The following TMEM79 variants were observed in gnomAD, a reference collection of about 807,000 sequenced individuals.
The protein encoded by TMEM79 is mattrin.
Under a neutral mutation model 31.2 loss-of-function variants are expected in TMEM79, and 30 were observed. The ratio of observed to expected loss-of-function variants is 0.96; its 90% CI spans 0.72 to 1.30. The LOEUF (loss-of-function observed/expected upper bound fraction) is 1.30. Ranked by LOEUF, TMEM79 falls within the 50% of genes most tolerant of loss-of-function variation. The pLI is 0.00. For synonymous variants in TMEM79, 213 were observed against 229.5 expected (o/e 0.93, Z 0.65); for missense variants, 509 against 528.2 (o/e 0.96, Z 0.36).
rs760508891 is a variant in TMEM79 at position 156,285,639 on chromosome 1, A to C, written c.413A>C (p.Glu138Ala). 2 of 1,613,986 alleles carry C rather than the reference A, an allele frequency of 1.2e-6. No individual in the cohort carries two copies. Among genetic ancestry groups the C allele is most frequent in the Admixed American group, 3.3e-5 (2 of 60,026 alleles). ...GTGCCTATTGACCTACAGTGCATTG[A>C]GCGGCAGCCCCAAGAAGACCTTATC... Reference protein sequence around the residue: ...AFVPIDLQCIERQPQEDLIVR... With the variant: ...AFVPIDLQCIARQPQEDLIVR... The change falls in exon 2 of 4, where the codon GAG becomes GCG. Residue 138 changes from glutamate (E) to alanine (A), a missense_variant. Glu to Ala is a moderately radical substitution (Grantham distance 107, BLOSUM62 -1). Transcript: ENST00000405535.
At chr1:156,288,817 A>G (rs1443421750) in intron 3 of TMEM79, among the ~76,000 whole-genome samples, 1 of 152,198 alleles carries the variant, frequency 6.6e-6, no homozygotes, top group Non-Finnish European at 1.5e-5. Context: ...CCCAAAATAA[A>G]TATGTTCCTG....
intron 3 of TMEM79, among the ~76,000 whole-genome samples, chr1:156,286,912 CA>C (rs1175579097): frequency 6.6e-6 from 1 of 152,046 alleles, no homozygotes; most frequent in Non-Finnish European, 1.5e-5. Flanking sequence ...CACTTGAGGT[CA>C]GGAGTTCGAG....
chr1:156,291,488 T>G lies in TMEM79; in HGVS notation c.1075T>G (p.Tyr359Asp), dbSNP rs199940196. 11 of 1,613,122 alleles carry G rather than the reference T, an allele frequency of 6.8e-6. No individual in the cohort carries two copies. ...GTCGATGCTGATGTGGAACCTCTACTACATGTTCGTGGTGGAGCCGGAGCG... is the reference window on the plus strand; with the variant it reads ...GTCGATGCTGATGTGGAACCTCTACGACATGTTCGTGGTGGAGCCGGAGCG... ...LLSMLMWNLY[Y>D]MFVVEPERML... The change falls in exon 4 of 4, where the codon TAC (tyrosine) becomes GAC (aspartate). Residue 359 changes from tyrosine (Y) to aspartate (D), a missense_variant. Tyr to Asp is a radical substitution (Grantham distance 160). Transcript: ENST00000405535.
intron 3 of TMEM79, among the ~76,000 whole-genome samples, chr1:156,287,479 C>G (rs1306067764): frequency 6.6e-6 from 1 of 151,982 alleles, no homozygotes; most frequent in Non-Finnish European, 1.5e-5. Context: ...GTTGGGGGGC[C>G]TGGTTGAGGG....
intron 3 of TMEM79, among the ~76,000 whole-genome samples, chr1:156,288,416 ACT>A (rs905429571): frequency 2.6e-5 from 4 of 151,392 alleles, no homozygotes; most frequent in Non-Finnish European, 4.4e-5. Context: ...GCTCACTACA[ACT>A]TCTGTCTCCA....
At position 156,291,557 on chromosome 1, in the gene TMEM79, G is replaced by A. The variant is rs1296736810; in HGVS notation, c.1144G>A (p.Ala382Thr). 2.5e-6 allele frequency: 4 copies of A among 1,610,506 alleles called. No homozygotes were observed. The highest frequency in any genetic ancestry group is 2.2e-5 in the East Asian group (1 of 44,870). The change falls in exon 4 of 4, where the codon GCC (alanine) becomes ACC (threonine). Residue 382 changes from alanine to threonine, a missense_variant. By Grantham distance (58) the Ala-to-Thr change is moderately conservative. Transcript: ENST00000405535. The stretch of plus-strand genomic sequence containing the variant: ...GAGCCGCCTGGACTACCCGGACCAC[G>A]CCCGCTCGGCCTCCGACTACAGGCC... ...TESRLDYPDH[A>T]RSASDYRPRP...
rs201959226 is a variant in TMEM79 at position 156,286,305 on chromosome 1, G to A, written c.803G>A (p.Arg268Gln). Residue 268 changes from arginine to glutamine, a missense_variant, in exon 3 of 4, where the codon CGG (arginine) becomes CAG (glutamine). Arg to Gln is a conservative substitution (Grantham distance 43). Transcript: ENST00000405535. Reference protein sequence around the residue: ...GLSLLCFSALRPFGEPRREVE... With the variant: ...GLSLLCFSALQPFGEPRREVE... ...AGCCTGTTATGCTTTTCTGCCCTTC[G>A]GCCCTTTGGGGAGCCACGGCGGGAG... 7.4e-6 allele frequency: 12 copies of A among 1,614,210 alleles called. No homozygotes were observed. The highest frequency in any genetic ancestry group is 3.3e-4 in the Middle Eastern group (2 of 6,060).
chr1:156,285,465 C>T lies in TMEM79; in HGVS notation c.239C>T (p.Thr80Ile). ...GAGGCTGCCACCTTGCCCTGGGGGACTGGCCCTCAGCCCAGTGCTCCGTTC... is the reference window on the plus strand; with the variant it reads ...GAGGCTGCCACCTTGCCCTGGGGGATTGGCCCTCAGCCCAGTGCTCCGTTC... ...VSEAATLPWG[T>I]GPQPSAPFPD... is the part of the protein sequence containing the mutation. Residue 80 changes from threonine to isoleucine, a missense_variant, in exon 2 of 4, where the codon ACT becomes ATT. By Grantham distance (89) the Thr-to-Ile change is moderately conservative. Coordinates refer to ENST00000405535, the MANE Select transcript of TMEM79 (RefSeq NM_032323.3). 1 of 1,614,068 alleles carries T rather than the reference C, an allele frequency of 6.2e-7. No homozygotes were observed. Among genetic ancestry groups the T allele is most frequent in the Non-Finnish European group, 8.5e-7 (1 of 1,180,010 alleles).
chr1:156,287,283 G>T (rs939220375), intron 3 of TMEM79, among the ~76,000 whole-genome samples: 5 of 152,154 alleles, frequency 3.3e-5, no homozygotes, highest in Non-Finnish European at 7.3e-5. Context: ...GGGTGTGGTG[G>T]TGGGCATCTG....
In TMEM79 at chr1:156,285,752, G is replaced by A. The variant is rs1405106130; in HGVS notation, c.526G>A (p.Glu176Lys). 2 of 1,613,224 alleles carry A rather than the reference G, an allele frequency of 1.2e-6. No individual in the cohort carries two copies. Among genetic ancestry groups the A allele is most frequent in the East Asian group, 2.2e-5 (1 of 44,894 alleles). Reference sequence around the variant, plus strand: ...CGACCCCACTGAGCGCAAGTGGGCTGAGGCAGTGGTGAGGCCGCCTGGCTG... The same window carrying A: ...CGACCCCACTGAGCGCAAGTGGGCTAAGGCAGTGGTGAGGCCGCCTGGCTG... ...HPDPTERKWA[E>K]AVVRPPGCSC... The change falls in exon 2 of 4, where the codon GAG (glutamate) becomes AAG (lysine). Residue 176 changes from glutamate (E) to lysine (K), a missense_variant. By Grantham distance (56) the Glu-to-Lys change is moderately conservative (BLOSUM62 1). Transcript: ENST00000405535.
At position 156,291,966 on chromosome 1, in the gene TMEM79, G is replaced by C; in HGVS notation, c.*368G>C. The C allele has an allele frequency of 2.1e-6, 1 of 487,422 alleles. No homozygotes were observed. Among genetic ancestry groups the C allele is most frequent in the South Asian group, 3.4e-5 (1 of 29,062 alleles). The allele number at this position is 487,422 out of a possible 1,614,324, so 30.2% of individuals were successfully genotyped here. A position where few individuals can be genotyped will look rare whatever the true frequency, so the allele number is the denominator to read the frequency against. On this transcript the variant is annotated 3_prime_UTR_variant, in exon 4 of 4. Transcript: ENST00000405535. Reference sequence around the variant, plus strand: ...AATGCTGGTCTCTGCTCCACTCCCCGGCTTCCCGTGAGGCAGGAGGCAGAG... The same window carrying C: ...AATGCTGGTCTCTGCTCCACTCCCCCGCTTCCCGTGAGGCAGGAGGCAGAG...
Position 156,285,167 on chromosome 1 carries a change from T to G in TMEM79, c.-43-17T>G. The G allele has an allele frequency of 2.7e-6, 4 of 1,498,514 alleles. No homozygotes were observed. Among genetic ancestry groups the G allele is most frequent in the Non-Finnish European group, 3.6e-6 (4 of 1,123,576 alleles). 92.8% of individuals were successfully genotyped at this position (1,498,514 alleles called of 1,614,324 possible). A position where few individuals can be genotyped will look rare whatever the true frequency, so the allele number is the denominator to read the frequency against. ...AAGACAGGGGTTTCTGACAGAGCTT[T>G]CCTCTGTTCCCTGCAGGATGACATG... On this transcript the variant is annotated splice_polypyrimidine_tract_variant and intron_variant, in intron 1 of 3. Transcript: ENST00000405535.
chr1:156,288,743 C>G (rs1414826607), intron 3 of TMEM79, among the ~76,000 whole-genome samples: 1 of 152,214 alleles, frequency 6.6e-6, no homozygotes, highest in Non-Finnish European at 1.5e-5. Flanking sequence ...TGTGGTCCAG[C>G]AGTCAGTTGT....
In TMEM79 at chr1:156,286,344, G is replaced by C. The variant is rs764590643; in HGVS notation, c.842G>C (p.Arg281Pro). Residue 281 changes from arginine to proline, a missense_variant, in exon 3 of 4, where the codon CGG (arginine) becomes CCG (proline). Coordinates refer to ENST00000405535, the MANE Select transcript of TMEM79 (RefSeq NM_032323.3). Reference sequence around the variant, plus strand: ...CCACGGCGGGAGGTGGAGATCCACCGGCGATATGTGGCCCAGTCGGTCCAG... The same window carrying C: ...CCACGGCGGGAGGTGGAGATCCACCCGCGATATGTGGCCCAGTCGGTCCAG... The part of the protein sequence containing the change: ...GEPRREVEIH[R>P]RYVAQSVQLF... 5 of 1,614,152 alleles carry C rather than the reference G, an allele frequency of 3.1e-6. No individual in the cohort carries two copies. The highest frequency in any genetic ancestry group is 3.4e-6 in the Non-Finnish European group (4 of 1,180,028).
intron 3 of TMEM79, 25 bp downstream of exon 3, chr1:156,286,498 A>G (rs748783799): frequency 1.2e-6 from 2 of 1,609,782 alleles, no homozygotes; most frequent in Non-Finnish European, 1.7e-6. Flanking sequence ...AGGGTGGGGC[A>G]TGGGAGAGGG....
chr1:156,291,520 C>A lies in TMEM79; in HGVS notation c.1107C>A (p.Leu369=). 2 of 1,610,350 alleles carry A rather than the reference C, an allele frequency of 1.2e-6. No homozygotes were observed. The highest frequency in any genetic ancestry group is 1.7e-6 in the Non-Finnish European group (2 of 1,179,890). Residue 369 remains leucine (L), a synonymous_variant, in exon 4 of 4, where the codon CTC becomes CTA. Coordinates refer to ENST00000405535, the MANE Select transcript of TMEM79 (RefSeq NM_032323.3). The stretch of plus-strand genomic sequence containing the variant: ...TCGTGGTGGAGCCGGAGCGCATGCT[C>A]ACTGCCACCGAGAGCCGCCTGGACT... ...YMFVVEPERM[L]TATESRLDYP...
intron 2 of TMEM79, 79 bp downstream of exon 2, chr1:156,286,062 G>A: frequency 6.5e-7 from 1 of 1,535,048 alleles, no homozygotes; most frequent in South Asian, 1.3e-5. Flanking sequence ...GGAGCAGGAG[G>A]ATTTCCCTTC....
At chr1:156,290,375 TAAAAG>T (rs1197776786) in intron 3 of TMEM79, 1 of 151,144 alleles carries the variant, frequency 6.6e-6, no homozygotes, top group Non-Finnish European at 1.5e-5. Flanking sequence ...AAGAAAAAAA[TAAAAG>T]AAAAAAATCT....
At chr1:156,289,983 G>T (rs1238808952) in intron 3 of TMEM79, 1 of 152,186 alleles carries the variant, frequency 6.6e-6, no homozygotes, top group Non-Finnish European at 1.5e-5. Flanking sequence ...TCATATCATG[G>T]CTTTGCTATT....
Sources: allele counts gnomAD v4.1 joint callset (sites outside exome capture counted in the v4.1 genomes callset), GRCh38; gene constraint gnomAD v4.1.1; transcripts MANE v1.5; gene names NCBI Gene and HGNC (gene_info 2026-07-23, HGNC 2026-07-21).